The following RYR2 variants were observed in gnomAD, a reference collection of about 807,000 sequenced individuals.
RYR2 encodes the protein ryanodine receptor 2, also known as cardiac muscle ryanodine receptor-calcium release channel.
In RYR2, 227 loss-of-function variants were observed where a neutral mutation model predicts 601.1. The ratio of observed to expected loss-of-function variants is 0.38; its 90% confidence interval spans 0.34 to 0.42. RYR2 has a LOEUF of 0.42. Ranked by LOEUF, RYR2 falls within the 10% of genes least tolerant of loss-of-function variation. RYR2 has a pLI of 1.00. For missense variants in RYR2, 4,646 were observed against 6,156.5 expected, an observed-to-expected ratio of 0.75 and a Z score of 8.21; for synonymous variants, 2,223 against 2,175.1, an observed-to-expected ratio of 1.02 and a Z score of -0.61.
At chr1:237,296,886 A>C (rs1306871511) in intron 2 of RYR2, among the ~76,000 whole-genome samples, 3 of 152,208 alleles carry the variant, frequency 2.0e-5, no homozygotes, top group Non-Finnish European at 4.4e-5. Flanking sequence ...GTCTAAATAA[A>C]CTGAAACAAT....
chr1:237,636,919 G>T (rs956566905), intron 44 of RYR2, among the ~76,000 whole-genome samples: 1 of 152,184 alleles, frequency 6.6e-6, no homozygotes, highest in Non-Finnish European at 1.5e-5. Flanking sequence ...TATGCTGAGC[G>T]AAAGAAGCCA....
intron 2 of RYR2, among the ~76,000 whole-genome samples, chr1:237,329,159 C>T (rs1696461943): frequency 1.3e-5 from 2 of 152,074 alleles, no homozygotes; most frequent in Admixed American, 6.6e-5. Flanking sequence ...ATCATCCAAA[C>T]TGAATTTTCT....
chr1:237,687,396 GTCTTT>G, intron 62 of RYR2, 54 bp from the exon 63 acceptor site: 1 of 311,592 alleles, frequency 3.2e-6, no homozygotes, highest in Non-Finnish European at 5.7e-6. Flanking sequence ...ATTTCCCCCT[GTCTTT>G]TCTACCTTCC....
At chr1:237,347,602 A>G (rs1344911253) in intron 3 of RYR2, among the ~76,000 whole-genome samples, 3 of 152,078 alleles carry the variant, frequency 2.0e-5, no homozygotes, top group African/African-American at 7.2e-5. Flanking sequence ...GCCAGAAACG[A>G]TGTACTTTTA....
At chr1:237,255,872 T>TGTGTGTGA in intron 1 of RYR2, among the ~76,000 whole-genome samples, 1 of 151,348 alleles carries the variant, frequency 6.6e-6, no homozygotes, top group African/African-American at 2.4e-5. Flanking sequence ...TGTGTGTGTG[T>TGTGTGTGA]GAGTTTAGCT....
chr1:237,271,127 T>C (rs1454734795), intron 2 of RYR2, among the ~76,000 whole-genome samples: 1 of 152,142 alleles, frequency 6.6e-6, no homozygotes, highest in Non-Finnish European at 1.5e-5. Context: ...TATGGCTTTT[T>C]TTTTTCCTCA....
intron 1 of RYR2, among the ~76,000 whole-genome samples, chr1:237,126,538 C>G (rs1671446216): frequency 6.6e-6 from 1 of 152,166 alleles, no homozygotes; most frequent in Non-Finnish European, 1.5e-5. Flanking sequence ...CCACTGCAGT[C>G]TGAGGCTCCT....
At chr1:237,547,195 T>A (rs1169532548) in intron 25 of RYR2, among the ~76,000 whole-genome samples, 1 of 151,328 alleles carries the variant, frequency 6.6e-6, no homozygotes, top group Non-Finnish European at 1.5e-5. Context: ...TAATAGAGAC[T>A]GGGTTTCACC....
At chr1:237,105,543 A>T (rs1558241434) in intron 1 of RYR2, among the ~76,000 whole-genome samples, 1 of 152,074 alleles carries the variant, frequency 6.6e-6, no homozygotes, top group Non-Finnish European at 1.5e-5. Context: ...CTAAAAATAC[A>T]AAAATTAGCT....
rs533106384 is a variant in RYR2, at chr1:237,460,552, C to G, written c.1612+3817C>G. ...CAGAATGCTTTTATTCACTACCTAG[C>G]ACTATGCTTGAATAGAGTAGGCAGT... On this transcript the variant is annotated intron_variant, in intron 16 of 104. Transcript: ENST00000366574. 9.2e-5 allele frequency among the ~76,000 whole-genome samples: 14 copies of G among 152,304 alleles called. No homozygotes were observed. In the East Asian group the frequency reaches 2.5e-3, roughly 27 times the overall value.
chr1:237,571,144 C>A (rs920749251), intron 29 of RYR2, among the ~76,000 whole-genome samples: 7 of 151,888 alleles, frequency 4.6e-5, no homozygotes, highest in African/African-American at 1.5e-4. Context: ...ATAATAATAA[C>A]CTTATTTCAA....
chr1:237,142,493 G>A (rs1230218138), intron 1 of RYR2, among the ~76,000 whole-genome samples: 3 of 152,170 alleles, frequency 2.0e-5, no homozygotes, highest in African/African-American at 7.2e-5. Flanking sequence ...AATATGGTAG[G>A]ATAAAGGAGA....
At chr1:237,723,093 A>G (rs778443371) in intron 73 of RYR2, 35 bp from the exon 74 acceptor site, 38 of 1,580,260 alleles carry the variant, frequency 2.4e-5, no homozygotes, top group East Asian at 4.5e-5. Flanking sequence ...TTAGATTCCC[A>G]TCTTCCCATT....
intron 25 of RYR2, among the ~76,000 whole-genome samples, chr1:237,537,489 T>C (rs1272240816): frequency 6.6e-6 from 1 of 152,048 alleles, no homozygotes; most frequent in Non-Finnish European, 1.5e-5. Context: ...AATTTTTGTA[T>C]TTTTTAGTAG....
chr1:237,639,583 G>A (rs1463198150), intron 46 of RYR2, among the ~76,000 whole-genome samples: 6 of 152,262 alleles, frequency 3.9e-5, no homozygotes, highest in Middle Eastern at 3.4e-3. Context: ...GAGACCTTTC[G>A]CAAATGAAAG....
At chr1:237,752,847 C>T (rs185424764) in intron 80 of RYR2, among the ~76,000 whole-genome samples, 148 of 152,248 alleles carry the variant, frequency 9.7e-4, no homozygotes, top group African/African-American at 3.1e-3. Flanking sequence ...TGACTTATGA[C>T]GTTACTAAAT....
rs1665924454 is a variant in RYR2, at chr1:237,511,795, A to C, written c.2822+4A>C. 1.0e-6 allele frequency: 1 copy of C among 959,918 alleles called. No individual in the cohort carries two copies. The highest frequency in any genetic ancestry group is 4.6e-5 in the East Asian group (1 of 21,972). The allele number at this position is 959,918 out of a possible 1,614,324, so 59.5% of individuals were successfully genotyped here. The stretch of plus-strand genomic sequence containing the variant: ...AAATGTCGCTTGAGACCCTGAAGTG[A>C]GTTTCTTAACTTTTTCTATTTTCCA... On this transcript the variant is annotated splice_donor_region_variant and intron_variant, in intron 24 of 104. Coordinates refer to ENST00000366574, the MANE Select transcript of RYR2 (RefSeq NM_001035.3).
intron 17 of RYR2, among the ~76,000 whole-genome samples, chr1:237,472,888 C>T (rs1660891134): frequency 6.6e-6 from 1 of 152,048 alleles, no homozygotes; most frequent in Admixed American, 6.6e-5. Context: ...CAGGGAATTG[C>T]TTGTCAAAAC....
chr1:237,588,839 A>C (rs952475465), intron 29 of RYR2, among the ~76,000 whole-genome samples: 3 of 152,098 alleles, frequency 2.0e-5, no homozygotes, highest in Admixed American at 6.6e-5. Context: ...TCTCAAAAAA[A>C]AAAAAGAGTA....
Sources: allele counts gnomAD v4.1 joint callset (sites outside exome capture counted in the v4.1 genomes callset), GRCh38; gene constraint gnomAD v4.1.1; transcripts MANE v1.5; gene names NCBI Gene and HGNC (gene_info 2026-07-23, HGNC 2026-07-21).